The following LRP1B variants were observed in gnomAD, a reference collection of about 807,000 sequenced individuals.
LRP1B encodes the protein LDL receptor related protein 1B, also known as low-density lipoprotein receptor-related protein 1B.
Under a neutral mutation model 556.6 loss-of-function variants are expected in LRP1B, and 217 were observed. The observed-to-expected ratio is 0.39, with a 90% CI of 0.35 to 0.44. LRP1B has a LOEUF of 0.44. Among genes scored for constraint, LRP1B ranks in the 20% least tolerant of loss-of-function variants. LRP1B has a pLI of 1.00. For synonymous variants in LRP1B, 2,047 were observed against 1,865.8 expected (o/e 1.10, Z -2.50); for missense variants, 5,053 against 5,620.8 (o/e 0.90, Z 3.23).
chr2:141,190,524 C>T (rs1681462420), intron 6 of LRP1B, among the ~76,000 whole-genome samples: 1 of 151,818 alleles, frequency 6.6e-6, no homozygotes, highest in Admixed American at 6.6e-5. Flanking sequence ...GGTTTTATTG[C>T]CCTGTGAGGT....
intron 2 of LRP1B, among the ~76,000 whole-genome samples, chr2:141,728,838 T>A (rs1408373809): frequency 6.6e-6 from 1 of 152,166 alleles, no homozygotes; most frequent in African/African-American, 2.4e-5. Context: ...CTCTATCCGC[T>A]CTCACACGTG....
At chr2:142,061,255 T>G (rs1453851160) in intron 1 of LRP1B, among the ~76,000 whole-genome samples, 1 of 151,950 alleles carries the variant, frequency 6.6e-6, no homozygotes, top group Non-Finnish European at 1.5e-5. Flanking sequence ...TCTGGAAACC[T>G]TGTGAAGACA....
intron 1 of LRP1B, among the ~76,000 whole-genome samples, chr2:142,090,545 T>A (rs1706127300): frequency 6.6e-6 from 1 of 152,264 alleles, no homozygotes; most frequent in South Asian, 2.1e-4. Flanking sequence ...GACTTCAATT[T>A]ACAGATGTAT....
chr2:140,261,153 C>G (rs1432957552), intron 86 of LRP1B, among the ~76,000 whole-genome samples: 1 of 151,732 alleles, frequency 6.6e-6, no homozygotes, highest in Non-Finnish European at 1.5e-5. Context: ...TAGTAACAAT[C>G]TTTGTCTTTT....
chr2:141,434,198 C>T (rs1680671979), intron 3 of LRP1B, among the ~76,000 whole-genome samples: 1 of 152,132 alleles, frequency 6.6e-6, no homozygotes, highest in Non-Finnish European at 1.5e-5. Flanking sequence ...TTCTCTTTTG[C>T]CTCACCTTCT....
intron 21 of LRP1B, among the ~76,000 whole-genome samples, chr2:140,918,189 TGTG>T (rs1179039366): frequency 6.7e-4 from 7 of 10,498 alleles, no homozygotes; most frequent in African/African-American, 1.4e-3. Flanking sequence ...TTCTATTTTG[TGTG>T]TGTGTGTGTG....
chr2:141,167,388 C>T (rs1680316377), intron 7 of LRP1B: 2 of 151,678 alleles, frequency 1.3e-5, no homozygotes, highest in Non-Finnish European at 2.9e-5. Context: ...AAATATAGTT[C>T]CCATTATATT....
chr2:140,698,560 C>T (rs1686517218), intron 41 of LRP1B, among the ~76,000 whole-genome samples: 1 of 152,072 alleles, frequency 6.6e-6, no homozygotes, highest in African/African-American at 2.4e-5. Flanking sequence ...ATTCTCCTAT[C>T]TGCCTCTTTA....
intron 3 of LRP1B, among the ~76,000 whole-genome samples, chr2:141,329,239 T>G (rs1404533583): frequency 6.7e-6 from 1 of 150,116 alleles, no homozygotes; most frequent in East Asian, 2.0e-4. Flanking sequence ...ATTACAAAAA[T>G]TAGCTGGGTA....
chr2:140,823,039 A>C (rs1039002634), intron 31 of LRP1B, among the ~76,000 whole-genome samples: 1 of 152,206 alleles, frequency 6.6e-6, no homozygotes, highest in Non-Finnish European at 1.5e-5. Context: ...TTGTTGCCAG[A>C]GTGATCATGG....
chr2:141,169,909 A>G (rs939392951), intron 7 of LRP1B, among the ~76,000 whole-genome samples: 2 of 151,934 alleles, frequency 1.3e-5, no homozygotes, highest in Non-Finnish European at 2.9e-5. Flanking sequence ...CAAATTCTTA[A>G]TTATAAAGTA....
At chr2:140,572,911 G>A (rs1471043168) in intron 43 of LRP1B, among the ~76,000 whole-genome samples, 1 of 151,860 alleles carries the variant, frequency 6.6e-6, no homozygotes, top group Non-Finnish European at 1.5e-5. Context: ...GGCACAGAAA[G>A]ATAAATATCA....
At chr2:141,703,795 G>A (rs1420096764) in intron 2 of LRP1B, among the ~76,000 whole-genome samples, 1 of 151,804 alleles carries the variant, frequency 6.6e-6, no homozygotes, top group Non-Finnish European at 1.5e-5. Context: ...ACTCTGGCAG[G>A]GGGTTACATC....
At chr2:140,719,440 A>T (rs1213631694) in intron 35 of LRP1B, among the ~76,000 whole-genome samples, 2 of 152,078 alleles carry the variant, frequency 1.3e-5, no homozygotes, top group Admixed American at 1.3e-4. Context: ...CCTTCATTTC[A>T]TATTACTTTC....
intron 3 of LRP1B, among the ~76,000 whole-genome samples, chr2:141,291,689 T>C (rs867586077): frequency 2.0e-5 from 3 of 151,868 alleles, no homozygotes; most frequent in African/African-American, 7.2e-5. Flanking sequence ...ACCCCGTCTC[T>C]ACTGAAAATA....
At chr2:141,216,181 C>T (rs1682804637) in intron 6 of LRP1B, among the ~76,000 whole-genome samples, 2 of 152,174 alleles carry the variant, frequency 1.3e-5, no homozygotes. Flanking sequence ...CACTACAGCA[C>T]CAGCCAGGGT....
In LRP1B at chr2:141,263,861, AG is replaced by A. The variant is rs1351812494; in HGVS notation, c.344-9221del. Among the ~76,000 whole-genome samples the A allele has an allele frequency of 3.3e-5, 5 of 152,286 alleles. No homozygotes were observed. In the East Asian group the frequency reaches 7.7e-4, roughly 24 times the overall value. On this transcript the variant is annotated intron_variant, in intron 3 of 90. Transcript: ENST00000389484. ...ATTAATCCAGATCACCCTATCAATC[AG>A]TACAGTAAGGGAAAAAAACCCTATC... is the stretch of plus-strand genomic sequence containing the variant.
Position 141,319,477 on chromosome 2 carries a change from T to C in LRP1B, c.344-64836A>G, listed in dbSNP as rs116835152. Among the ~76,000 whole-genome samples, 914 of 151,944 alleles carry C rather than the reference T, an allele frequency of 6.0e-3. 10 individuals are homozygous for C. The highest frequency in any genetic ancestry group is 0.019 in the African/African-American group (767 of 41,454). ...ATATAGTATATCACATACACTGAAG[T>C]TGAGGTGAGGGTTGTATATTAGGGT... is the stretch of plus-strand genomic sequence containing the variant. On this transcript the variant is annotated intron_variant, in intron 3 of 90. Transcript: ENST00000389484.
At chr2:140,639,386 A>C (rs929316320) in intron 41 of LRP1B, among the ~76,000 whole-genome samples, 1 of 152,206 alleles carries the variant, frequency 6.6e-6, no homozygotes, top group Non-Finnish European at 1.5e-5. Context: ...AACACTCTTG[A>C]GTTGAGATAC....
Sources: gnomAD v4.1 joint callset for allele counts (sites outside exome capture counted in the v4.1 genomes callset) on GRCh38, gnomAD v4.1.1 for gene constraint, MANE v1.5 for transcripts, NCBI Gene and HGNC (gene_info 2026-07-23, HGNC 2026-07-21) for gene names.